The following DMD variants were observed in gnomAD, a reference collection of about 807,000 sequenced individuals.
DMD encodes dystrophin.
Under a neutral mutation model 330.1 loss-of-function variants are expected in DMD, and 63 were observed. That is an observed-to-expected ratio of 0.19 (90% confidence interval 0.16 to 0.24). DMD has a LOEUF of 0.24. Ranked by LOEUF, DMD falls within the 10% of genes least tolerant of loss-of-function variation. DMD has a pLI of 1.00. For missense variants in DMD, 3,344 were observed against 2,684.1 expected (o/e 1.25, Z -5.43); for synonymous variants, 1,223 against 959.8 (o/e 1.27, Z -5.07).
chrX:32,264,378 A>T (rs1569554796), intron 43 of DMD, among the ~76,000 whole-genome samples: 1 of 112,022 alleles, frequency 8.9e-6, no homozygotes, highest in Admixed American at 9.5e-5. Context: ...TTATAGCAGC[A>T]TGAGAACAGA....
At chrX:31,966,594 A>C (rs1412952118) in intron 45 of DMD, among the ~76,000 whole-genome samples, 1 of 111,092 alleles carries the variant, frequency 9.0e-6, no homozygotes, top group East Asian at 2.8e-4. Flanking sequence ...TAAATGGGAA[A>C]ATTTTTTTCC....
intron 62 of DMD, among the ~76,000 whole-genome samples, chrX:31,281,092 G>A (rs1166331913): frequency 8.9e-6 from 1 of 111,870 alleles, no homozygotes; most frequent in Non-Finnish European, 1.9e-5. Context: ...GCCAAATGAG[G>A]TCTTCAGGCA....
At chrX:32,243,771 A>G (rs1033618521) in intron 43 of DMD, among the ~76,000 whole-genome samples, 2 of 111,477 alleles carry the variant, frequency 1.8e-5, no homozygotes, top group African/African-American at 6.5e-5. Flanking sequence ...TTTCCAGCAC[A>G]TCGACTCAAG....
At chrX:32,864,506 A>C (rs1275522773) in intron 2 of DMD, among the ~76,000 whole-genome samples, 1 of 112,269 alleles carries the variant, frequency 8.9e-6, no homozygotes, top group Non-Finnish European at 1.9e-5. Context: ...CATTTCCAAA[A>C]GGTCAGATAC....
At chrX:32,439,259 G>A (rs1209169619) in intron 28 of DMD, among the ~76,000 whole-genome samples, 1 of 110,875 alleles carries the variant, frequency 9.0e-6, no homozygotes, top group Non-Finnish European at 1.9e-5. Flanking sequence ...AATTTTTCCT[G>A]TTTATGTATT....
Position 32,501,778 on chromosome X carries a change from G to C in DMD, c.2357C>G (p.Ala786Gly). 1 of 1,208,384 alleles carries C rather than the reference G, an allele frequency of 8.3e-7. No individual in the cohort carries two copies. The highest frequency in any genetic ancestry group is 1.1e-6 in the Non-Finnish European group (1 of 893,161). Residue 786 changes from alanine to glycine, a missense_variant, in exon 19 of 79, where the codon GCC becomes GGC. Coordinates refer to ENST00000357033, the MANE Select transcript of DMD (RefSeq NM_004006.3). ...KLQDASRSAQALVEQMVNEGV... is the reference protein window; with the variant it reads ...KLQDASRSAQGLVEQMVNEGV... ...ACCATTCACCATCTGTTCCACCAGGGCCTGAGCTGATCTGCTGGCATCTTG... is the reference window on the plus strand; with the variant it reads ...ACCATTCACCATCTGTTCCACCAGGCCCTGAGCTGATCTGCTGGCATCTTG...
At chrX:32,580,243 C>A (rs1468623592) in intron 13 of DMD, among the ~76,000 whole-genome samples, 2 of 111,495 alleles carry the variant, frequency 1.8e-5, no homozygotes, top group Admixed American at 9.6e-5. Context: ...GGGCTCCTTA[C>A]CTTTGAGGTT....
intron 47 of DMD, among the ~76,000 whole-genome samples, chrX:31,886,625 C>G (rs1396808843): frequency 9.0e-6 from 1 of 111,655 alleles, no homozygotes; most frequent in Non-Finnish European, 1.9e-5. Flanking sequence ...ATTTAAAACA[C>G]TATCTTGCAC....
chrX:31,677,581 A>G (rs941741174), intron 53 of DMD, among the ~76,000 whole-genome samples: 11 of 112,345 alleles, frequency 9.8e-5, no homozygotes, highest in African/African-American at 3.6e-4. Flanking sequence ...TATATATTAC[A>G]TAGTCAGACC....
At chrX:32,737,546 A>C (rs2068678721) in intron 7 of DMD, among the ~76,000 whole-genome samples, 1 of 111,423 alleles carries the variant, frequency 9.0e-6, no homozygotes, top group East Asian at 2.8e-4. Flanking sequence ...GGGTTGATAC[A>C]AACTTCTCTC....
At chrX:31,936,091 A>AT (rs922026503) in intron 45 of DMD, among the ~76,000 whole-genome samples, 2 of 110,918 alleles carry the variant, frequency 1.8e-5, no homozygotes, top group African/African-American at 6.5e-5. Context: ...TAAAAACTTG[A>AT]TTTTTTAAGA....
chrX:33,128,513 C>T (rs72470540), intron 1 of DMD: 2 of 780,614 alleles, frequency 2.6e-6, no homozygotes, highest in East Asian at 1.6e-4. Flanking sequence ...AATCAGTAAC[C>T]TCAGTTCCTC....
intron 1 of DMD, among the ~76,000 whole-genome samples, chrX:33,160,592 G>A (rs1437195962): frequency 8.9e-6 from 1 of 112,455 alleles, no homozygotes; most frequent in East Asian, 2.8e-4. Flanking sequence ...GTTAAGTTTA[G>A]AAATCTATTA....
chrX:33,239,852 G>A (rs1436912494), intron 1 of DMD, among the ~76,000 whole-genome samples: 3 of 110,966 alleles, frequency 2.7e-5, no homozygotes, highest in African/African-American at 9.8e-5. Context: ...AACTTTTTGA[G>A]CACTGAAATG....
At chrX:32,610,598 G>C (rs978395651) in intron 12 of DMD, among the ~76,000 whole-genome samples, 1 of 111,297 alleles carries the variant, frequency 9.0e-6, no homozygotes, top group African/African-American at 3.3e-5. Flanking sequence ...TTGAGAGAGA[G>C]AGAGCAGGCG....
At chrX:33,161,366 G>A (rs1313119023) in intron 1 of DMD, among the ~76,000 whole-genome samples, 1 of 111,662 alleles carries the variant, frequency 9.0e-6, no homozygotes, top group East Asian at 2.8e-4. Flanking sequence ...ATGTGCCCAA[G>A]GTCAAATGCT....
chrX:33,178,614 CAA>C (rs772020700), intron 1 of DMD, among the ~76,000 whole-genome samples: 5 of 112,350 alleles, frequency 4.5e-5, no homozygotes, highest in African/African-American at 1.6e-4. Context: ...ATTTTTAAAA[CAA>C]AGAGTGTATA....
At chrX:32,687,252 T>C (rs184987826) in intron 9 of DMD, among the ~76,000 whole-genome samples, 4 of 112,079 alleles carry the variant, frequency 3.6e-5, no homozygotes, top group Non-Finnish European at 7.5e-5. Flanking sequence ...TGAACACCTG[T>C]TAGGCACCAT....
chrX:31,976,204 T>C (rs2095434809), intron 44 of DMD, among the ~76,000 whole-genome samples: 1 of 110,881 alleles, frequency 9.0e-6, no homozygotes, highest in South Asian at 3.8e-4. Context: ...TGGAACCAAG[T>C]GGCATTTGGA....
Sources: gnomAD v4.1 joint callset for allele counts (sites outside exome capture counted in the v4.1 genomes callset) on GRCh38, gnomAD v4.1.1 for gene constraint, MANE v1.5 for transcripts, NCBI Gene and HGNC (gene_info 2026-07-23, HGNC 2026-07-21) for gene names.